The following FSD2 variants were observed in gnomAD, a reference collection of about 807,000 sequenced individuals.
FSD2 encodes the protein fibronectin type III and SPRY domain containing 2, also known as fibronectin type III and SPRY domain-containing protein 2.
A neutral mutation model predicts 80.4 loss-of-function variants in FSD2; 71 were observed. The observed-to-expected ratio is 0.88, with a 90% CI of 0.73 to 1.08. FSD2 has a LOEUF of 1.08. Among genes scored for constraint, FSD2 ranks in the 50% least tolerant of loss-of-function variants. The probability of loss-of-function intolerance (pLI) is 0.00; values close to 1 mark genes in which losing one functional copy is unlikely to be tolerated. For synonymous variants in FSD2, 361 were observed against 329.5 expected (o/e 1.10, Z -1.03); for missense variants, 923 against 913.8 (o/e 1.01, Z -0.13).
intron 1 of FSD2, among the ~76,000 whole-genome samples, chr15:82,795,282 T>C (rs2050238163): frequency 6.6e-6 from 1 of 152,174 alleles, no homozygotes; most frequent in African/African-American, 2.4e-5. Flanking sequence ...TTCCTAAGAA[T>C]TTCTAAATTA....
rs543868937 is a variant in FSD2 at position 82,796,701 on chromosome 15, C to G, written c.-78-9233G>C. On this transcript the variant is annotated intron_variant, in intron 1 of 12. Transcript: ENST00000334574. ...AGCTTTCTCTGCTAGCTGCTATTCT[C>G]TCTTTCTCCCCTTTCCCTCTCCAGA... Among the ~76,000 whole-genome samples the G allele has an allele frequency of 1.4e-4, 21 of 152,336 alleles. No individual in the cohort carries two copies. In the East Asian group the frequency reaches 3.9e-3, roughly 28 times the overall value.
intron 1 of FSD2, among the ~76,000 whole-genome samples, chr15:82,789,552 C>G (rs926395255): frequency 1.3e-5 from 2 of 152,108 alleles, no homozygotes; most frequent in Non-Finnish European, 1.5e-5. Flanking sequence ...GTATCTTGTG[C>G]AAGGCCACAC....
intron 7 of FSD2, among the ~76,000 whole-genome samples, chr15:82,770,796 G>C (rs950538551): frequency 1.3e-5 from 2 of 152,208 alleles, no homozygotes; most frequent in African/African-American, 4.8e-5. Flanking sequence ...CCAGAATCTT[G>C]AAAGGCAGTG....
chr15:82,780,338 T>TTTC, intron 4 of FSD2, 71 bp from the exon 5 acceptor site: 4 of 394,834 alleles, frequency 1.0e-5, no homozygotes, highest in Non-Finnish European at 1.2e-5. Flanking sequence ...TCTTTCTTTC[T>TTTC]TTTTTTTTTT....
rs2050023269 is a variant in FSD2, at chr15:82,787,216, C to T, written c.175G>A (p.Gly59Arg). 1.2e-6 allele frequency: 2 copies of T among 1,613,854 alleles called. No homozygotes were observed. Among genetic ancestry groups the T allele is most frequent in the Admixed American group, 1.7e-5 (1 of 59,994 alleles). Residue 59 changes from glycine to arginine, a missense_variant, in exon 2 of 13, where the codon GGG becomes AGG. Transcript: ENST00000334574. ...AGGTCTCTTTGAGCCTTACCATCCCCTGCTCCTCTTGACTCATTGGCCATT... is the reference window on the plus strand; with the variant it reads ...AGGTCTCTTTGAGCCTTACCATCCCTTGCTCCTCTTGACTCATTGGCCATT... Reference protein sequence around the residue: ...AEMANESRGAGDGKAQRDLQE... With the variant: ...AEMANESRGARDGKAQRDLQE...
intron 1 of FSD2, among the ~76,000 whole-genome samples, chr15:82,800,710 A>AAAAAAAAAAAT (rs2050392376): frequency 6.6e-6 from 1 of 150,556 alleles, no homozygotes; most frequent in Non-Finnish European, 1.5e-5. Flanking sequence ...AAAAAAAAAA[A>AAAAAAAAAAAT]AAAGCCCCTC....
In FSD2 at chr15:82,768,977, C is replaced by T. The variant is rs756374617; in HGVS notation, c.1456G>A (p.Val486Met). ...TTCCCAGACTCCCAGCAAATCAGCA[C>T]AGCCTCTTCACAGCTCCTTATCTCT... ...TKEIRSCEEAVLICWESGNLN... is the reference protein window; with the variant it reads ...TKEIRSCEEAMLICWESGNLN... The change falls in exon 9 of 13, where the codon GTG becomes ATG. Residue 486 changes from valine to methionine, a missense_variant. Coordinates refer to ENST00000334574, the MANE Select transcript of FSD2 (RefSeq NM_001007122.4). 3 of 1,606,214 alleles carry T rather than the reference C, an allele frequency of 1.9e-6. No homozygotes were observed. The highest frequency in any genetic ancestry group is 2.6e-6 in the Non-Finnish European group (3 of 1,176,452).
At position 82,762,248 on chromosome 15, in the gene FSD2, T is replaced by G; in HGVS notation, c.1851A>C (p.Pro617=). 1 of 1,613,920 alleles carries G rather than the reference T, an allele frequency of 6.2e-7. No individual in the cohort carries two copies. The highest frequency in any genetic ancestry group is 8.5e-7 in the Non-Finnish European group (1 of 1,179,848). ...RCVAVMGNLI[P]VRGHHYWEVE... ...CCTCCCAGTAATGGTGCCCTCGGAC[T>G]GGAATTAGATTTCCCATGACAGCAA... is the stretch of plus-strand genomic sequence containing the variant. The change falls in exon 12 of 13, where the codon CCA becomes CCC. Residue 617 remains proline (P), a synonymous_variant. Coordinates refer to ENST00000334574, the MANE Select transcript of FSD2 (RefSeq NM_001007122.4).
intron 3 of FSD2, among the ~76,000 whole-genome samples, chr15:82,783,226 G>A (rs2049914425): frequency 6.6e-6 from 1 of 152,162 alleles, no homozygotes; most frequent in Non-Finnish European, 1.5e-5. Flanking sequence ...AGGCTCCTGA[G>A]TAGCTGGGAT....
At chr15:82,778,683 T>TCC (rs2049779304) in intron 6 of FSD2, 83 bp downstream of exon 6, 1 of 1,438,036 alleles carries the variant, frequency 7.0e-7, no homozygotes, top group Admixed American at 2.6e-5. Flanking sequence ...AGGATAGATC[T>TCC]CATGCTAAGT....
At chr15:82,766,957 T>C (rs747377514) in intron 9 of FSD2, among the ~76,000 whole-genome samples, 2 of 152,158 alleles carry the variant, frequency 1.3e-5, no homozygotes, top group Admixed American at 1.3e-4. Context: ...GAGAAGTCTT[T>C]AGGATGATGC....
chr15:82,786,730 A>T (rs1171813499), intron 2 of FSD2, 22 bp downstream of exon 2: 2 of 1,610,634 alleles, frequency 1.2e-6, no homozygotes, highest in Admixed American at 1.7e-5. Flanking sequence ...AAGACAGAGA[A>T]GAACCAAGGA....
chr15:82,793,029 G>A (rs1348241948), intron 1 of FSD2, among the ~76,000 whole-genome samples: 2 of 152,102 alleles, frequency 1.3e-5, no homozygotes, highest in Non-Finnish European at 2.9e-5. Context: ...TTGTTTCAAC[G>A]TTTGGTAGAA....
At position 82,765,227 on chromosome 15, in the gene FSD2, C is replaced by T. The variant is rs528023614; in HGVS notation, c.1759G>A (p.Val587Ile). Residue 587 changes from valine to isoleucine, a missense_variant, in exon 11 of 13, where the codon GTA (valine) becomes ATA (isoleucine). Physicochemically the swap from Val to Ile is conservative, Grantham distance 29. Transcript: ENST00000334574. The stretch of plus-strand genomic sequence containing the variant: ...GCGGGGGTTCTCCTTTCACTTCGTA[C>T]AGCCGTAAGTCCGTCTTCAGAAATG... ...LTISEDGLTA[V>I]RSERRTPARE... 6.2e-7 allele frequency: 1 copy of T among 1,611,392 alleles called. No homozygotes were observed. The highest frequency in any genetic ancestry group is 2.2e-5 in the East Asian group (1 of 44,736).
intron 1 of FSD2, chr15:82,796,369 G>C (rs1281777010): frequency 6.5e-6 from 1 of 153,828 alleles, no homozygotes; most frequent in Non-Finnish European, 1.5e-5. Context: ...CCCAGTGGCT[G>C]TAAAAGCAAG....
intron 11 of FSD2, 89 bp downstream of exon 11, chr15:82,765,077 T>A: frequency 7.1e-7 from 1 of 1,415,266 alleles, no homozygotes; most frequent in Non-Finnish European, 9.4e-7. Flanking sequence ...CCCTCGAGGC[T>A]GCCTCCGTGC....
In FSD2 at chr15:82,755,395, T is replaced by C. The variant is rs1315026552; in HGVS notation, c.*3953A>G. On this transcript the variant is annotated 3_prime_UTR_variant, in exon 13 of 13. Coordinates refer to ENST00000334574, the MANE Select transcript of FSD2 (RefSeq NM_001007122.4). ...CCAAAACATTTTTATTTGCTATGTC[T>C]GAGTGACTACATGTTGTTTGAATCA... 1 of 152,194 alleles carries C rather than the reference T, an allele frequency of 6.6e-6. No homozygotes were observed. Among genetic ancestry groups the C allele is most frequent in the African/African-American group, 2.4e-5 (1 of 41,454 alleles). The allele number at this position is 152,194 out of a possible 1,614,324, so 9.4% of individuals were successfully genotyped here. A position where few individuals can be genotyped will look rare whatever the true frequency, so the allele number is the denominator to read the frequency against.
chr15:82,776,247 A>G (rs1249154297), intron 6 of FSD2, among the ~76,000 whole-genome samples: 1 of 152,276 alleles, frequency 6.6e-6, no homozygotes, highest in Non-Finnish European at 1.5e-5. Flanking sequence ...TGATCACACC[A>G]CTATACTCCA....
intron 1 of FSD2, among the ~76,000 whole-genome samples, chr15:82,805,043 T>A (rs1165472557): frequency 1.3e-5 from 2 of 151,978 alleles, no homozygotes; most frequent in Non-Finnish European, 1.5e-5. Flanking sequence ...CTTTCCTCTA[T>A]GCCAAGGGAA....
Sources: allele counts gnomAD v4.1 joint callset (sites outside exome capture counted in the v4.1 genomes callset), GRCh38; gene constraint gnomAD v4.1.1; transcripts MANE v1.5; gene names NCBI Gene and HGNC (gene_info 2026-07-23, HGNC 2026-07-21).